Variants in DCAF6 observed in about 807,000 individuals in gnomAD.
DCAF6 encodes DDB1 and CUL4 associated factor 6.
Under a neutral mutation model 125.1 loss-of-function variants are expected in DCAF6, and 54 were observed. The ratio of observed to expected loss-of-function variants is 0.43; its 90% confidence interval spans 0.35 to 0.54. DCAF6 has a LOEUF of 0.54. Among genes scored for constraint, DCAF6 ranks in the 20% least tolerant of loss-of-function variants. The pLI, the probability that DCAF6 is intolerant of heterozygous loss-of-function variation, is 0.01. For synonymous variants in DCAF6, 371 were observed against 390.4 expected (o/e 0.95, Z 0.58); for missense variants, 934 against 1,161.7 (o/e 0.80, Z 2.85).
chr1:168,038,224 G>A, intron 12 of DCAF6, 147 bp from the exon 13 acceptor site: 1 of 595,910 alleles, frequency 1.7e-6, no homozygotes. Context: ...CACAACACAT[G>A]CCTTCAAACT....
chr1:167,864,527 C>T, the DCAF6 span, among the ~76,000 whole-genome samples: 1,477 of 151,906 alleles, frequency 9.7e-3, 24 homozygotes, highest in African/African-American at 0.034. Flanking sequence ...CCCCTTCGCC[C>T]CCACAGTAGT....
At chr1:167,994,940 G>C (rs754087400) in intron 7 of DCAF6, among the ~76,000 whole-genome samples, 3 of 151,888 alleles carry the variant, frequency 2.0e-5, no homozygotes, top group Non-Finnish European at 4.4e-5. Context: ...CATAATTTCA[G>C]GTGTAGAGGG....
At chr1:168,017,304 G>A (rs1436979021) in intron 11 of DCAF6, among the ~76,000 whole-genome samples, 2 of 151,058 alleles carry the variant, frequency 1.3e-5, no homozygotes, top group African/African-American at 4.9e-5. Context: ...AAAGTCAATA[G>A]AAAGAAAAAT....
At chr1:167,969,993 T>G (rs576843332) in intron 3 of DCAF6, among the ~76,000 whole-genome samples, 1 of 152,164 alleles carries the variant, frequency 6.6e-6, no homozygotes, top group Non-Finnish European at 1.5e-5. Flanking sequence ...GCCAGGCTGG[T>G]CTCGAACTCC....
the DCAF6 span, among the ~76,000 whole-genome samples, chr1:167,930,553 G>A: frequency 6.6e-6 from 1 of 152,294 alleles, no homozygotes; most frequent in South Asian, 2.1e-4. Flanking sequence ...TGTAAGAAAA[G>A]TCCTAAGAGA....
In DCAF6 at chr1:168,038,285, CTAATA is replaced by C. The variant is rs902793358; in HGVS notation, c.1610-82_1610-78del. On this transcript the variant is annotated intron_variant, in intron 12 of 21. Transcript: ENST00000367840. ...AAAAAAGAATTATGACAAGGACAAC[CTAATA>C]TAAGTTTTATAAATTTTAGGAAATG... is the stretch of plus-strand genomic sequence containing the variant. The C allele has an allele frequency of 4.2e-6, 4 of 962,120 alleles. No homozygotes were observed. The African/African-American group carries it at 5.0e-5, about 12-fold the overall frequency. The allele number at this position is 962,120 out of a possible 1,614,324, so 59.6% of individuals were successfully genotyped here.
intron 17 of DCAF6, among the ~76,000 whole-genome samples, chr1:168,062,275 G>T (rs1263738942): frequency 6.6e-6 from 1 of 152,160 alleles, no homozygotes; most frequent in Non-Finnish European, 1.5e-5. Context: ...GTACTTAGGA[G>T]ACTTCAGGAA....
intron 2 of DCAF6, among the ~76,000 whole-genome samples, chr1:167,963,629 A>G (rs947775372): frequency 2.0e-5 from 3 of 151,932 alleles, no homozygotes; most frequent in African/African-American, 4.8e-5. Flanking sequence ...GGGTTTCACC[A>G]TGTTGGCCAG....
chr1:168,019,058 T>C (rs1201247488), intron 11 of DCAF6, among the ~76,000 whole-genome samples: 1 of 152,136 alleles, frequency 6.6e-6, no homozygotes, highest in Non-Finnish European at 1.5e-5. Flanking sequence ...TTTTTTTTTT[T>C]TCTTTTTTGA....
chr1:168,073,522 T>C (rs1693398513), intron 21 of DCAF6, among the ~76,000 whole-genome samples: 1 of 151,634 alleles, frequency 6.6e-6, no homozygotes, highest in Non-Finnish European at 1.5e-5. Flanking sequence ...ATTTGTCTCT[T>C]TATTGTGTGC....
At chr1:168,019,292 C>T (rs563973037) in intron 11 of DCAF6, among the ~76,000 whole-genome samples, 88 of 152,280 alleles carry the variant, frequency 5.8e-4, no homozygotes, top group African/African-American at 2.0e-3. Context: ...TTGTGATCCA[C>T]CCACTGCAGC....
the DCAF6 span, chr1:167,899,389 C>T: frequency 1.2e-6 from 2 of 1,608,758 alleles, no homozygotes; most frequent in East Asian, 4.5e-5. Context: ...TACAGGCTGG[C>T]AGAACTTTCT....
chr1:168,010,299 T>C (rs1451937125), intron 10 of DCAF6, among the ~76,000 whole-genome samples: 2 of 152,182 alleles, frequency 1.3e-5, no homozygotes, highest in Admixed American at 6.5e-5. Context: ...TTTTCACTCA[T>C]GTATATATGG....
chr1:168,024,738 A>C (rs1262387125), intron 12 of DCAF6, among the ~76,000 whole-genome samples: 1 of 149,134 alleles, frequency 6.7e-6, no homozygotes, highest in Non-Finnish European at 1.5e-5. Flanking sequence ...TGGGAGGCGG[A>C]GGTTACAGTG....
intron 7 of DCAF6, among the ~76,000 whole-genome samples, chr1:167,994,700 C>A (rs1032901747): frequency 1.3e-5 from 2 of 152,168 alleles, no homozygotes; most frequent in Middle Eastern, 3.4e-3. Flanking sequence ...TTTGCTTTAA[C>A]CTGTTTAAGC....
At chr1:167,937,183 G>T (rs1257128798) in intron 1 of DCAF6, 175 bp downstream of exon 1, 6 of 620,894 alleles carry the variant, frequency 9.7e-6, no homozygotes, top group Non-Finnish European at 1.7e-5. Context: ...CCCCAGTCAA[G>T]CCCCCTGTGC....
At chr1:168,038,077 C>G (rs1572047799) in intron 12 of DCAF6, among the ~76,000 whole-genome samples, 1 of 152,286 alleles carries the variant, frequency 6.6e-6, no homozygotes, top group East Asian at 1.9e-4. Context: ...TATGTCATTG[C>G]ATGTTAATAC....
chr1:167,925,474 TAC>T, the DCAF6 span, among the ~76,000 whole-genome samples: 2,826 of 96,308 alleles, frequency 0.029, 37 homozygotes, highest in African/African-American at 0.041. Flanking sequence ...TATATATATA[TAC>T]ATATACATAT....
At position 168,038,547 on chromosome 1, in the gene DCAF6, T is replaced by G. The variant is rs531235311; in HGVS notation, c.1727+59T>G. On this transcript the variant is annotated intron_variant, in intron 13 of 21. Coordinates refer to ENST00000367840, the MANE Select transcript of DCAF6 (RefSeq NM_001198956.2). ...CATTTTGTAGGATTGTATTAGATTT[T>G]AATTTTTAACACTTCGTCATCTTTA... 1.3e-5 allele frequency: 16 copies of G among 1,251,880 alleles called. 1 individual carries two copies. The East Asian group carries it at 2.2e-4, about 17-fold the overall frequency. 77.5% of individuals were successfully genotyped at this position (1,251,880 alleles called of 1,614,324 possible).
Sources: allele counts gnomAD v4.1 joint callset (sites outside exome capture counted in the v4.1 genomes callset), GRCh38; gene constraint gnomAD v4.1.1; transcripts MANE v1.5; gene names NCBI Gene and HGNC (gene_info 2026-07-23, HGNC 2026-07-21).